The following EXOC4 variants were observed in gnomAD, a reference collection of about 807,000 sequenced individuals.
EXOC4 encodes SEC8-like 1.
In EXOC4, 71 loss-of-function variants were observed where a neutral mutation model predicts 107.2. The observed-to-expected ratio is 0.66, with a 90% CI of 0.55 to 0.81. EXOC4 has a LOEUF of 0.81. Among genes scored for constraint, EXOC4 ranks in the 30% least tolerant of loss-of-function variants. The probability of loss-of-function intolerance (pLI) is 0.00; values close to 1 mark genes in which losing one functional copy is unlikely to be tolerated. For synonymous variants in EXOC4, 456 were observed against 441.2 expected (o/e 1.03, Z -0.42); for missense variants, 1,108 against 1,189.6 (o/e 0.93, Z 1.01).
At chr7:133,436,985 C>G (rs1240550229) in intron 7 of EXOC4, among the ~76,000 whole-genome samples, 2 of 151,970 alleles carry the variant, frequency 1.3e-5, no homozygotes, top group Non-Finnish European at 2.9e-5. Context: ...ATCTGAGTGA[C>G]TATGGATGGG....
intron 10 of EXOC4, among the ~76,000 whole-genome samples, chr7:133,633,961 A>G (rs540184517): frequency 6.6e-6 from 1 of 152,114 alleles, no homozygotes; most frequent in South Asian, 2.1e-4. Flanking sequence ...TGTTCTATGC[A>G]CTTCATTTAT....
chr7:133,756,119 C>T (rs1795911805), intron 10 of EXOC4, among the ~76,000 whole-genome samples: 1 of 152,134 alleles, frequency 6.6e-6, no homozygotes, highest in African/African-American at 2.4e-5. Context: ...TTCTGCTTTT[C>T]TCTTACACAG....
intron 7 of EXOC4, among the ~76,000 whole-genome samples, chr7:133,437,587 G>A (rs1268798826): frequency 6.6e-6 from 1 of 152,080 alleles, no homozygotes; most frequent in Non-Finnish European, 1.5e-5. Context: ...TTTTAAGATC[G>A]ATAGGATATT....
intron 9 of EXOC4, among the ~76,000 whole-genome samples, chr7:133,565,914 C>T (rs1800897461): frequency 6.6e-6 from 1 of 152,086 alleles, no homozygotes; most frequent in Non-Finnish European, 1.5e-5. Flanking sequence ...CAATCATTTA[C>T]AAATAACTGT....
chr7:133,876,608 C>G (rs1798855298), intron 11 of EXOC4, among the ~76,000 whole-genome samples: 1 of 151,920 alleles, frequency 6.6e-6, no homozygotes, highest in Admixed American at 6.6e-5. Flanking sequence ...GCAAGCCACC[C>G]TAGACTACTG....
chr7:134,010,143 A>T (rs925270833), intron 17 of EXOC4: 1 of 152,198 alleles, frequency 6.6e-6, no homozygotes, highest in East Asian at 1.9e-4. Context: ...TTTAGAAGAC[A>T]TCTCCTTACT....
chr7:133,500,533 T>C lies in EXOC4; in HGVS notation c.1417+20395T>C, dbSNP rs549304964. Among the ~76,000 whole-genome samples the C allele has an allele frequency of 1.4e-4, 21 of 152,312 alleles. No individual in the cohort carries two copies. In the South Asian group the frequency reaches 2.1e-3, roughly 15 times the overall value. ...GGAGATACTGCTTATTGCTTATCCC[T>C]GCAGTTGTTGATATACATTTGGGTT... is the stretch of plus-strand genomic sequence containing the variant. On this transcript the variant is annotated intron_variant, in intron 9 of 17. Transcript: ENST00000253861.
intron 10 of EXOC4, among the ~76,000 whole-genome samples, chr7:133,634,336 T>C (rs976556634): frequency 1.3e-5 from 2 of 152,206 alleles, no homozygotes; most frequent in Non-Finnish European, 2.9e-5. Context: ...TTGTTTTTTC[T>C]TTACAGTCAG....
At chr7:133,310,145 A>C (rs1285532456) in intron 4 of EXOC4, among the ~76,000 whole-genome samples, 1 of 152,164 alleles carries the variant, frequency 6.6e-6, no homozygotes, top group African/African-American at 2.4e-5. Context: ...TGTTTTTACT[A>C]ATCTAGATAT....
chr7:134,052,502 G>C (rs1012510263), intron 17 of EXOC4, among the ~76,000 whole-genome samples: 1 of 151,788 alleles, frequency 6.6e-6, no homozygotes, highest in Non-Finnish European at 1.5e-5. Flanking sequence ...ATGTATGTCA[G>C]CATGGAGGAT....
At chr7:133,847,116 A>G (rs1442246127) in intron 11 of EXOC4, among the ~76,000 whole-genome samples, 1 of 152,168 alleles carries the variant, frequency 6.6e-6, no homozygotes, top group Non-Finnish European at 1.5e-5. Context: ...TAGCATACCC[A>G]TCACCTCACA....
chr7:133,288,772 A>G, intron 2 of EXOC4, 150 bp from the exon 3 acceptor site: 1 of 594,430 alleles, frequency 1.7e-6, no homozygotes, highest in Non-Finnish European at 2.9e-6. Flanking sequence ...AACCAGGATT[A>G]GAATTTTGGA....
At chr7:134,080,188 G>C in the EXOC4 span, among the ~76,000 whole-genome samples, 1 of 152,100 alleles carries the variant, frequency 6.6e-6, no homozygotes, top group Non-Finnish European at 1.5e-5. Flanking sequence ...AGGCAGCCAA[G>C]TTCTCTAAAA....
At chr7:133,511,391 G>A (rs1004895936) in intron 9 of EXOC4, among the ~76,000 whole-genome samples, 23 of 152,148 alleles carry the variant, frequency 1.5e-4, no homozygotes, top group African/African-American at 5.6e-4. Context: ...GGAAACTAAT[G>A]ACAGGTAAGG....
intron 4 of EXOC4, among the ~76,000 whole-genome samples, chr7:133,306,946 T>C (rs1291216361): frequency 6.6e-6 from 1 of 152,160 alleles, no homozygotes; most frequent in Non-Finnish European, 1.5e-5. Flanking sequence ...CTTAAGATGG[T>C]AGAATATTGG....
At position 133,974,511 on chromosome 7, in the gene EXOC4, G is replaced by A. The variant is rs940775894; in HGVS notation, c.2207-22981G>A. 2.6e-5 allele frequency among the ~76,000 whole-genome samples: 4 copies of A among 152,232 alleles called. No homozygotes were observed. In the Middle Eastern group the frequency reaches 0.01, roughly 388 times the overall value. ...AATCTCTTCCAGTATAAAGATATTT[G>A]TAGTAATATTATTTGATCGGTAGTA... On this transcript the variant is annotated intron_variant, in intron 14 of 17. Transcript: ENST00000253861.
rs549224560 is a variant in EXOC4 at position 133,663,888 on chromosome 7, A to G, written c.1514+33747A>G. Among the ~76,000 whole-genome samples the G allele has an allele frequency of 2.0e-5, 3 of 152,282 alleles. No homozygotes were observed. In the East Asian group the frequency reaches 5.8e-4, roughly 29 times the overall value. Reference sequence around the variant, plus strand: ...TTTGGCACAGAACTTTTTAACAGCAATTCATGCAGAGTAAAAGCCAGAATT... The same window carrying G: ...TTTGGCACAGAACTTTTTAACAGCAGTTCATGCAGAGTAAAAGCCAGAATT... On this transcript the variant is annotated intron_variant, in intron 10 of 17. Coordinates refer to ENST00000253861, the MANE Select transcript of EXOC4 (RefSeq NM_021807.4).
chr7:133,588,896 G>A (rs1441115093), intron 9 of EXOC4, among the ~76,000 whole-genome samples: 3 of 151,746 alleles, frequency 2.0e-5, no homozygotes, highest in Non-Finnish European at 2.9e-5. Context: ...GTGTGTGTGT[G>A]TATATATGTA....
chr7:133,475,287 A>C (rs759530058), intron 7 of EXOC4, 41 bp from the exon 8 acceptor site: 1 of 1,509,868 alleles, frequency 6.6e-7, no homozygotes, highest in East Asian at 2.3e-5. Flanking sequence ...GCACATTAAA[A>C]ATGTGTATAT....
Sources: gnomAD v4.1 joint callset for allele counts (sites outside exome capture counted in the v4.1 genomes callset) on GRCh38, gnomAD v4.1.1 for gene constraint, MANE v1.5 for transcripts, NCBI Gene and HGNC (gene_info 2026-07-23, HGNC 2026-07-21) for gene names.